VWF: variants seen among roughly 807,000 people sequenced by gnomAD.
The protein encoded by VWF is Factor VIII related antigen.
In VWF, 176 loss-of-function variants were observed where a neutral mutation model predicts 308.6. The observed-to-expected ratio is 0.57, with a 90% CI of 0.50 to 0.65. VWF has a LOEUF of 0.65. Among genes scored for constraint, VWF ranks in the 30% least tolerant of loss-of-function variants. The probability of loss-of-function intolerance (pLI) is 0.00; values close to 1 mark genes in which losing one functional copy is unlikely to be tolerated. For synonymous variants in VWF, 1,385 were observed against 1,443.4 expected (o/e 0.96, Z 0.92); for missense variants, 3,146 against 3,648.2 (o/e 0.86, Z 3.55).
intron 6 of VWF, among the ~76,000 whole-genome samples, chr12:6,087,472 C>T (rs1944985753): frequency 6.8e-6 from 1 of 146,738 alleles, no homozygotes; most frequent in South Asian, 2.3e-4. Context: ...CATTCTCCTG[C>T]TTCAGCCTCC....
chr12:6,073,725 A>T lies in VWF; in HGVS notation c.891T>A (p.Ala297=). The change falls in exon 8 of 52, where the codon GCT becomes GCA. Residue 297 remains alanine, a synonymous_variant. Transcript: ENST00000261405. ...ACACACACTGCCTATACTCCATACC[A>T]GCAGGGCACACTGGGCCTGAAAAGG... ...DHSACSPVCP[A]GMEYRQCVSP... 6.2e-7 allele frequency: 1 copy of T among 1,614,038 alleles called. No homozygotes were observed. Among genetic ancestry groups the T allele is most frequent in the South Asian group, 1.1e-5 (1 of 91,072 alleles).
At chr12:5,970,332 T>C (rs924031198) in intron 44 of VWF, among the ~76,000 whole-genome samples, 1 of 151,968 alleles carries the variant, frequency 6.6e-6, no homozygotes, top group African/African-American at 2.4e-5. Context: ...AGATGGAGAC[T>C]TGAGGTAGAG....
intron 15 of VWF, among the ~76,000 whole-genome samples, chr12:6,055,328 T>A (rs1164680362): frequency 6.6e-6 from 1 of 152,222 alleles, no homozygotes; most frequent in Non-Finnish European, 1.5e-5. Flanking sequence ...CAGCATCTCA[T>A]TCACTCCTCA....
At chr12:5,967,360 T>C in intron 47 of VWF, 126 bp downstream of exon 47, 1 of 843,782 alleles carries the variant, frequency 1.2e-6, no homozygotes, top group Non-Finnish European at 2.0e-6. Flanking sequence ...TTTATTATTG[T>C]CAATTATTGT....
chr12:6,065,147 T>A lies in VWF; in HGVS notation c.1283A>T (p.Glu428Val), dbSNP rs370628384. 31 of 1,614,052 alleles carry A rather than the reference T, an allele frequency of 1.9e-5. No homozygotes were observed. Among genetic ancestry groups the A allele is most frequent in the Non-Finnish European group, 2.5e-5 (30 of 1,180,046 alleles). The change falls in exon 11 of 52, where the codon GAG (glutamate) becomes GTG (valine). Residue 428 changes from glutamate to valine, a missense_variant. Glu to Val is a moderately radical substitution (Grantham distance 121). Around this residue, in one of 3 missense-constraint regions of VWF, gnomAD observed 1,304 missense variants for 1,353.0 expected, o/e 0.96. Coordinates refer to ENST00000261405, the MANE Select transcript of VWF (RefSeq NM_000552.5). ...CQDHSFSIVIETVQCADDRDA... is the reference protein window; with the variant it reads ...CQDHSFSIVIVTVQCADDRDA... ...GCTGGCAAAGCTCACCTGGACAGTC[T>A]CAATGACAATGGAGAAGGAGTGGTC...
At chr12:6,049,572 T>G (rs899797993) in intron 16 of VWF, among the ~76,000 whole-genome samples, 1 of 152,230 alleles carries the variant, frequency 6.6e-6, no homozygotes, top group Non-Finnish European at 1.5e-5. Context: ...TTCAACCGTC[T>G]ATTCTCACTG....
chr12:5,990,903 AAAAAAT>A lies in VWF; in HGVS notation c.6798+910_6798+915del, dbSNP rs1162314714. 2.1e-3 allele frequency among the ~76,000 whole-genome samples: 89 copies of A among 42,486 alleles called. 9 individuals carry two copies. The highest frequency in any genetic ancestry group is 5.7e-3 in the African/African-American group (85 of 15,034). The allele number at this position is 42,486 out of a possible 152,430, so 27.9% of individuals were successfully genotyped here. A position where few individuals can be genotyped will look rare whatever the true frequency, so the allele number is the denominator to read the frequency against. ...AAAAAAAAAAAAAAAAAAAAAAAAA[AAAAAAT>A]TTTGATGACTCAGTGACTCCCAAGC... On this transcript the variant is annotated intron_variant, in intron 38 of 51. Coordinates refer to ENST00000261405, the MANE Select transcript of VWF (RefSeq NM_000552.5).
At chr12:6,025,014 C>A (rs1315074430) in intron 24 of VWF, among the ~76,000 whole-genome samples, 1 of 88,252 alleles carries the variant, frequency 1.1e-5, no homozygotes, top group Non-Finnish European at 2.2e-5. Flanking sequence ...CAGAGCGAGA[C>A]TCTGTCTCAA....
intron 34 of VWF, among the ~76,000 whole-genome samples, chr12:5,996,750 C>CAAA (rs61616182): frequency 6.6e-5 from 4 of 60,472 alleles, no homozygotes; most frequent in African/African-American, 1.5e-4. Context: ...TTTCCAGAGC[C>CAAA]AAAAAAAAAA....
intron 6 of VWF, among the ~76,000 whole-genome samples, chr12:6,077,170 C>T (rs1161655377): frequency 6.6e-6 from 1 of 152,130 alleles, no homozygotes; most frequent in Non-Finnish European, 1.5e-5. Flanking sequence ...CTTAGTGGGG[C>T]GTGGTGGCGC....
intron 19 of VWF, among the ~76,000 whole-genome samples, chr12:6,035,978 T>C (rs1306690176): frequency 6.6e-6 from 1 of 152,236 alleles, no homozygotes; most frequent in African/African-American, 2.4e-5. Flanking sequence ...TAAATACATA[T>C]TTAAAATGTT....
chr12:5,962,538 CTTTTTT>C (rs35124526), intron 47 of VWF, among the ~76,000 whole-genome samples: 3,604 of 101,560 alleles, frequency 0.035, 129 homozygotes, highest in African/African-American at 0.12. Flanking sequence ...ACAGGCAATT[CTTTTTT>C]TTTTTTTTTT....
intron 5 of VWF, among the ~76,000 whole-genome samples, chr12:6,109,809 C>T (rs932152192): frequency 2.2e-4 from 33 of 152,176 alleles, no homozygotes; most frequent in Admixed American, 1.9e-3. Flanking sequence ...CGCCACCACG[C>T]CTGGCTAATT....
intron 22 of VWF, among the ~76,000 whole-genome samples, chr12:6,026,247 G>C (rs1944191094): frequency 6.6e-6 from 1 of 152,144 alleles, no homozygotes; most frequent in Non-Finnish European, 1.5e-5. Context: ...GAGCTTCCTT[G>C]CTGGCCCCAT....
chr12:6,090,688 G>A (rs1277360888), intron 6 of VWF, among the ~76,000 whole-genome samples: 1 of 151,564 alleles, frequency 6.6e-6, no homozygotes, highest in Non-Finnish European at 1.5e-5. Context: ...GCCCCACTGG[G>A]CTAAACTCTA....
rs1012340634 is a variant in VWF at position 6,111,824 on chromosome 12, G to C, written c.221-856C>G. Among the ~76,000 whole-genome samples, 5 of 152,020 alleles carry C rather than the reference G, an allele frequency of 3.3e-5. No individual in the cohort carries two copies. In the East Asian group the frequency reaches 9.7e-4, roughly 30 times the overall value. ...AAAAAAAAAATTAGCCAGGCGAGGTGGCTGGCGTCTGTGGTCCCAGTTCTT... is the reference window on the plus strand; with the variant it reads ...AAAAAAAAAATTAGCCAGGCGAGGTCGCTGGCGTCTGTGGTCCCAGTTCTT... On this transcript the variant is annotated intron_variant, in intron 3 of 51. Transcript: ENST00000261405.
At chr12:6,057,192 A>G (rs887817017) in intron 14 of VWF, 120 bp from the exon 15 acceptor site, 42 of 932,370 alleles carry the variant, frequency 4.5e-5, no homozygotes, top group Non-Finnish European at 6.2e-5. Context: ...AAGGTCACGC[A>G]GAGAAATCTG....
In VWF at chr12:6,016,675, T is replaced by C; in HGVS notation, c.5171-19A>G. The C allele has an allele frequency of 6.2e-7, 1 of 1,614,144 alleles. No individual in the cohort carries two copies. Among genetic ancestry groups the C allele is most frequent in the South Asian group, 1.1e-5 (1 of 91,088 alleles). On this transcript the variant is annotated intron_variant, in intron 29 of 51. Coordinates refer to ENST00000261405, the MANE Select transcript of VWF (RefSeq NM_000552.5). Reference sequence around the variant, plus strand: ...CGAGGCCCTAAACGGAACGAGAAAATGCGGATTATTTTGAATCAAGTAGAG... The same window carrying C: ...CGAGGCCCTAAACGGAACGAGAAAACGCGGATTATTTTGAATCAAGTAGAG...
Position 5,994,171 on chromosome 12 carries a change from T to G in VWF, c.6289A>C (p.Met2097Leu). The change falls in exon 37 of 52, where the codon ATG becomes CTG. Residue 2097 changes from methionine to leucine, a missense_variant. Coordinates refer to ENST00000261405, the MANE Select transcript of VWF (RefSeq NM_000552.5). ...ICDENGANDF[M>L]LRDGTVTTDW... Reference sequence around the variant, plus strand: ...GTGGTGACTGTGCCATCCCTCAGCATGAAGTCATTGGCTCCGTTCTCATCA... The same window carrying G: ...GTGGTGACTGTGCCATCCCTCAGCAGGAAGTCATTGGCTCCGTTCTCATCA... 6.2e-7 allele frequency: 1 copy of G among 1,614,116 alleles called. No individual in the cohort carries two copies. The highest frequency in any genetic ancestry group is 8.5e-7 in the Non-Finnish European group (1 of 1,180,030).
Sources: allele counts gnomAD v4.1 joint callset (sites outside exome capture counted in the v4.1 genomes callset), GRCh38; gene constraint gnomAD v4.1.1; regional missense constraint gnomAD v4.1.1; transcripts MANE v1.5; gene names NCBI Gene and HGNC (gene_info 2026-07-23, HGNC 2026-07-21).